Variants in ZBTB20 observed in about 807,000 individuals in gnomAD.
The protein encoded by ZBTB20 is zinc finger and BTB domain-containing protein 20.
ZBTB20 carries 9 observed loss-of-function variants against 56.9 expected under a neutral mutation model. That is an observed-to-expected ratio of 0.16 (90% CI 0.10 to 0.28). The LOEUF is 0.28. ZBTB20 is among the 10% of genes least tolerant of loss of function. ZBTB20 has a pLI of 1.00. For synonymous variants in ZBTB20, 417 were observed against 420.7 expected (o/e 0.99, Z 0.11); for missense variants, 655 against 1,003.0 (o/e 0.65, Z 4.69).
intron 5 of ZBTB20, among the ~76,000 whole-genome samples, chr3:114,735,690 TTTAA>T (rs1259424031): frequency 6.6e-6 from 1 of 152,194 alleles, no homozygotes. Flanking sequence ...TGGAAACCTC[TTTAA>T]TTATCTAAGC....
At chr3:114,746,905 C>A (rs1388983811) in intron 5 of ZBTB20, among the ~76,000 whole-genome samples, 1 of 152,150 alleles carries the variant, frequency 6.6e-6, no homozygotes, top group Non-Finnish European at 1.5e-5. Flanking sequence ...CCATCTCATG[C>A]AAACGTTAAA....
intron 5 of ZBTB20, among the ~76,000 whole-genome samples, chr3:114,763,607 A>AT (rs1374990190): frequency 6.6e-6 from 1 of 152,008 alleles, no homozygotes; most frequent in East Asian, 1.9e-4. Context: ...CAGTGTCTCC[A>AT]TTTTTTTCAG....
At chr3:114,611,078 T>C (rs1230318487) in intron 6 of ZBTB20, among the ~76,000 whole-genome samples, 2 of 152,176 alleles carry the variant, frequency 1.3e-5, no homozygotes, top group African/African-American at 4.8e-5. Flanking sequence ...TCCCAGAATA[T>C]CCTTGGGATC....
intron 3 of ZBTB20, among the ~76,000 whole-genome samples, chr3:114,911,667 A>C (rs927907007): frequency 1.1e-4 from 17 of 152,122 alleles, no homozygotes; most frequent in African/African-American, 3.4e-4. Context: ...TCAATCATAC[A>C]GAAAAAGAAT....
At chr3:114,907,548 C>T (rs2075367936) in intron 3 of ZBTB20, among the ~76,000 whole-genome samples, 1 of 151,824 alleles carries the variant, frequency 6.6e-6, no homozygotes, top group Admixed American at 6.6e-5. Context: ...ATAAGCTCAT[C>T]AAGAGTTCAT....
At chr3:114,600,684 A>G (rs1299677061) in intron 6 of ZBTB20, among the ~76,000 whole-genome samples, 1 of 152,088 alleles carries the variant, frequency 6.6e-6, no homozygotes, top group East Asian at 1.9e-4. Flanking sequence ...GAAAATATGT[A>G]TTCTACTTTC....
At chr3:115,032,958 T>TAAAAA (rs77048136) in intron 2 of ZBTB20, among the ~76,000 whole-genome samples, 225 of 55,888 alleles carry the variant, frequency 4.0e-3, no homozygotes, top group African/African-American at 6.2e-3. Flanking sequence ...CCTAAGGAAC[T>TAAAAA]AAAAAAAAAA....
At chr3:114,608,249 A>C (rs962581597) in intron 6 of ZBTB20, among the ~76,000 whole-genome samples, 3 of 152,204 alleles carry the variant, frequency 2.0e-5, no homozygotes, top group African/African-American at 7.2e-5. Context: ...CTATAGGATC[A>C]CTTTTATATG....
chr3:115,055,049 A>G (rs1289579334), intron 2 of ZBTB20, among the ~76,000 whole-genome samples: 5 of 152,124 alleles, frequency 3.3e-5, no homozygotes, highest in Admixed American at 2.6e-4. Context: ...GGGTTCCTTG[A>G]GACAAAGCCA....
Position 114,339,572 on chromosome 3 carries a change from T to C in ZBTB20, c.1805-146A>G. 1 of 1,052,532 alleles carries C rather than the reference T, an allele frequency of 9.5e-7. No individual in the cohort carries two copies. The highest frequency in any genetic ancestry group is 1.8e-5 in the South Asian group (1 of 56,376). 65.2% of individuals were successfully genotyped at this position (1,052,532 alleles called of 1,614,324 possible). A position where few individuals can be genotyped will look rare whatever the true frequency, so the allele number is the denominator to read the frequency against. ...TGATTGCTTAATGGATCATCCTCGT[T>C]TGGAAAAATCCAGGCCCTCCTAGCC... is the stretch of plus-strand genomic sequence containing the variant. On this transcript the variant is annotated intron_variant, in intron 11 of 11. Transcript: ENST00000675478. This position sits in a 1 kb window ranked among gnomAD's most constrained non-coding sequence, Gnocchi z 4.2.
At chr3:114,350,037 A>T (rs984816432) in intron 11 of ZBTB20, among the ~76,000 whole-genome samples, 4 of 151,958 alleles carry the variant, frequency 2.6e-5, no homozygotes, top group Non-Finnish European at 5.9e-5. Flanking sequence ...CAGTCTGGAC[A>T]TCCCTAGGAC....
intron 6 of ZBTB20, among the ~76,000 whole-genome samples, chr3:114,585,227 A>G (rs2055057756): frequency 6.6e-6 from 1 of 152,076 alleles, no homozygotes; most frequent in Non-Finnish European, 1.5e-5. Flanking sequence ...GTGATGTCCT[A>G]GAGAGGGCTG....
intron 4 of ZBTB20, among the ~76,000 whole-genome samples, chr3:114,866,707 G>C (rs912349512): frequency 4.6e-5 from 7 of 152,104 alleles, no homozygotes; most frequent in African/African-American, 1.7e-4. Flanking sequence ...CTTTGAGCTG[G>C]AACATTCCTT....
chr3:114,681,983 T>C (rs2062002497), intron 6 of ZBTB20, among the ~76,000 whole-genome samples: 1 of 152,188 alleles, frequency 6.6e-6, no homozygotes, highest in Admixed American at 6.6e-5. Context: ...AAATGTTAGT[T>C]TCTGTTTTTT....
chr3:114,607,339 G>T lies in ZBTB20; in HGVS notation c.-295+86189C>A, dbSNP rs189893604. 2.4e-3 allele frequency among the ~76,000 whole-genome samples: 322 copies of T among 136,128 alleles called. 4 individuals are homozygous for T. The highest frequency in any genetic ancestry group is 0.013 in the Middle Eastern group (3 of 228). The allele number at this position is 136,128 out of a possible 152,430, so 89.3% of individuals were successfully genotyped here. ...TTTTTTGAGACAGAGTTTTGCTCTT[G>T]TTGCCCAGGTTGGAGTGCAATGGCA... On this transcript the variant is annotated intron_variant, in intron 6 of 11. Coordinates refer to ENST00000675478, the MANE Select transcript of ZBTB20 (RefSeq NM_001348800.3).
At chr3:114,922,498 A>C (rs1207746355) in intron 3 of ZBTB20, among the ~76,000 whole-genome samples, 2 of 152,212 alleles carry the variant, frequency 1.3e-5, no homozygotes, top group African/African-American at 4.8e-5. Flanking sequence ...TGTAACATAC[A>C]AAAATTAGTT....
intron 1 of ZBTB20, among the ~76,000 whole-genome samples, chr3:115,083,700 G>A (rs561788085): frequency 2.6e-5 from 4 of 152,020 alleles, no homozygotes; most frequent in Non-Finnish European, 5.9e-5. Context: ...CTATTGTCCA[G>A]CAGGCTCATT....
intron 6 of ZBTB20, among the ~76,000 whole-genome samples, chr3:114,510,778 C>T (rs1195755452): frequency 6.6e-6 from 1 of 152,008 alleles, no homozygotes; most frequent in Non-Finnish European, 1.5e-5. Context: ...ACATAAGAAA[C>T]ACTGAGGTAG....
At chr3:114,935,461 T>C (rs2076501764) in intron 3 of ZBTB20, among the ~76,000 whole-genome samples, 1 of 152,204 alleles carries the variant, frequency 6.6e-6, no homozygotes. Flanking sequence ...TGAAGTGTCG[T>C]ATTCTTGACT....
Sources: allele counts gnomAD v4.1 joint callset (sites outside exome capture counted in the v4.1 genomes callset), GRCh38; gene constraint gnomAD v4.1.1; non-coding constraint Gnocchi (gnomAD v3.1); transcripts MANE v1.5; gene names NCBI Gene and HGNC (gene_info 2026-07-23, HGNC 2026-07-21).